The following ERBB4 variants were observed in gnomAD, a reference collection of about 807,000 sequenced individuals.
ERBB4 encodes receptor tyrosine-protein kinase erbB-4.
In ERBB4, 42 loss-of-function variants were observed where a neutral mutation model predicts 158.0. The observed-to-expected ratio is 0.27, with a 90% confidence interval of 0.21 to 0.34. The LOEUF is 0.34. Ranked by LOEUF, ERBB4 falls within the 10% of genes least tolerant of loss-of-function variation. ERBB4 has a pLI of 1.00. For missense variants in ERBB4, 1,333 were observed against 1,624.1 expected (o/e 0.82, Z 3.08); for synonymous variants, 583 against 558.7 (o/e 1.04, Z -0.61).
At chr2:211,938,634 T>C (rs185895341) in intron 3 of ERBB4, among the ~76,000 whole-genome samples, 8 of 152,246 alleles carry the variant, frequency 5.3e-5, no homozygotes, top group East Asian at 1.9e-4. Context: ...TAAAGTTCTA[T>C]TGGACAGTGC....
intron 3 of ERBB4, among the ~76,000 whole-genome samples, chr2:211,889,703 G>C (rs2078912462): frequency 6.8e-6 from 1 of 146,552 alleles, no homozygotes; most frequent in South Asian, 2.1e-4. Context: ...ATACAGAGAA[G>C]TGCTTAAAGC....
intron 4 of ERBB4, among the ~76,000 whole-genome samples, chr2:211,763,968 T>A (rs2075483437): frequency 6.6e-6 from 1 of 151,538 alleles, no homozygotes. Context: ...AATTAACAAA[T>A]AGGCACATTT....
At chr2:211,837,831 G>A (rs531243250) in intron 3 of ERBB4, among the ~76,000 whole-genome samples, 1 of 152,008 alleles carries the variant, frequency 6.6e-6, no homozygotes, top group Non-Finnish European at 1.5e-5. Context: ...TATTATACAG[G>A]GTAGCAAATA....
chr2:212,197,091 C>T (rs1190811746), intron 1 of ERBB4, among the ~76,000 whole-genome samples: 2 of 152,118 alleles, frequency 1.3e-5, no homozygotes, highest in South Asian at 2.1e-4. Context: ...TAATTTTAGT[C>T]AGCTGGGGGA....
At chr2:211,925,376 CTTTTTTTTTTT>C (rs71054150) in intron 3 of ERBB4, among the ~76,000 whole-genome samples, 3 of 81,576 alleles carry the variant, frequency 3.7e-5, no homozygotes, top group African/African-American at 1.5e-4. Context: ...AACAAGACTG[CTTTTTTTTTTT>C]TTTTTTTTTT....
At chr2:211,687,677 T>G (rs1017278684) in intron 12 of ERBB4, among the ~76,000 whole-genome samples, 6 of 151,550 alleles carry the variant, frequency 4.0e-5, no homozygotes, top group African/African-American at 1.5e-4. Context: ...TTGTTGGGGC[T>G]TTTTTTTATC....
intron 20 of ERBB4, among the ~76,000 whole-genome samples, chr2:211,460,545 G>A (rs2064503943): frequency 6.6e-6 from 1 of 152,132 alleles, no homozygotes; most frequent in African/African-American, 2.4e-5. Context: ...CCAGGTTAAT[G>A]CAGTTTCCAA....
intron 1 of ERBB4, among the ~76,000 whole-genome samples, chr2:212,206,402 C>T (rs1051675663): frequency 9.2e-5 from 14 of 151,914 alleles, no homozygotes; most frequent in Non-Finnish European, 2.1e-4. Context: ...TGGTTACAAT[C>T]GCATGGGATT....
chr2:212,213,700 A>G (rs956951437), intron 1 of ERBB4, among the ~76,000 whole-genome samples: 1 of 151,900 alleles, frequency 6.6e-6, no homozygotes, highest in South Asian at 2.1e-4. Flanking sequence ...TTGCTGATCT[A>G]ATGGCAAAGG....
intron 25 of ERBB4, among the ~76,000 whole-genome samples, chr2:211,418,780 ACAGAGAGCCTCC>A (rs1183278138): frequency 6.6e-6 from 1 of 152,124 alleles, no homozygotes; most frequent in Admixed American, 6.6e-5. Context: ...TGCAAAGTGT[ACAGAGAGCCTCC>A]TTTATACACC....
chr2:212,335,940 T>C (rs965080268), intron 1 of ERBB4, among the ~76,000 whole-genome samples: 1 of 152,022 alleles, frequency 6.6e-6, no homozygotes, highest in African/African-American at 2.4e-5. Context: ...AATTCAAGTC[T>C]ACTCACAGTC....
At chr2:211,640,663 G>A (rs2125893016) in intron 16 of ERBB4, among the ~76,000 whole-genome samples, 1 of 152,090 alleles carries the variant, frequency 6.6e-6, no homozygotes, top group Admixed American at 6.6e-5. Context: ...GGTTATATTA[G>A]GAAAATTATT....
chr2:212,108,386 C>T (rs1188390370), intron 2 of ERBB4, among the ~76,000 whole-genome samples: 2 of 152,076 alleles, frequency 1.3e-5, no homozygotes, highest in African/African-American at 4.8e-5. Context: ...AGTTTAAGCC[C>T]CCTAAGACAA....
chr2:211,694,006 T>A (rs1243860410), intron 12 of ERBB4, among the ~76,000 whole-genome samples: 1 of 152,188 alleles, frequency 6.6e-6, no homozygotes, highest in Admixed American at 6.5e-5. Flanking sequence ...CATTTGTGTG[T>A]GTCCATCTGT....
intron 12 of ERBB4, among the ~76,000 whole-genome samples, chr2:211,691,566 A>ATGTGTGTGTGTGTG (rs1491273640): frequency 6.8e-5 from 6 of 87,932 alleles, no homozygotes; most frequent in African/African-American, 2.8e-4. Context: ...GCATAGAAAC[A>ATGTGTGTGTGTGTG]TATGTGTGTG....
intron 1 of ERBB4, among the ~76,000 whole-genome samples, chr2:212,404,784 A>G (rs1358877301): frequency 6.6e-6 from 1 of 151,100 alleles, no homozygotes; most frequent in African/African-American, 2.4e-5. Flanking sequence ...TATCTTTTCT[A>G]CTCCTCTCCC....
At chr2:211,915,333 T>A (rs966467766) in intron 3 of ERBB4, among the ~76,000 whole-genome samples, 2 of 152,008 alleles carry the variant, frequency 1.3e-5, no homozygotes, top group Non-Finnish European at 2.9e-5. Flanking sequence ...TTCCCTTCAA[T>A]AACAATCTTA....
chr2:212,274,929 T>C (rs1194806676), intron 1 of ERBB4, among the ~76,000 whole-genome samples: 1 of 151,744 alleles, frequency 6.6e-6, no homozygotes, highest in African/African-American at 2.4e-5. Context: ...CCTAGACCCC[T>C]ACCCACCAGC....
chr2:211,530,610 C>T (rs1222296405), intron 20 of ERBB4, among the ~76,000 whole-genome samples: 2 of 152,110 alleles, frequency 1.3e-5, no homozygotes, highest in African/African-American at 4.8e-5. Flanking sequence ...ACTACCAAGG[C>T]CAGGCAGAGT....
Sources: allele counts gnomAD v4.1 joint callset (sites outside exome capture counted in the v4.1 genomes callset), GRCh38; gene constraint gnomAD v4.1.1; transcripts MANE v1.5; gene names NCBI Gene and HGNC (gene_info 2026-07-23, HGNC 2026-07-21).